DPYD: variants seen among roughly 807,000 people sequenced by gnomAD.
The protein encoded by DPYD is dihydropyrimidine dehydrogenase, also known as dihydropyrimidine dehydrogenase [NADP(+)].
DPYD carries 109 observed loss-of-function variants against 116.2 expected under a neutral mutation model. The ratio of observed to expected loss-of-function variants is 0.94; its 90% CI spans 0.80 to 1.10. The LOEUF (loss-of-function observed/expected upper bound fraction) is 1.10, where lower values mean the gene tolerates loss of function less well. Ranked by LOEUF, DPYD falls within the 50% of genes least tolerant of loss-of-function variation. The pLI is 0.00. For missense variants in DPYD, 1,302 were observed against 1,254.5 expected (o/e 1.04, Z -0.57); for synonymous variants, 440 against 432.0 (o/e 1.02, Z -0.23).
intron 20 of DPYD, among the ~76,000 whole-genome samples, chr1:97,172,039 G>A (rs1268088538): frequency 2.0e-5 from 3 of 152,170 alleles, no homozygotes; most frequent in African/African-American, 2.4e-5. Context: ...GGACGCAAAT[G>A]AGCAAAAAGA....
At chr1:97,653,303 C>CA (rs946746249) in intron 8 of DPYD, among the ~76,000 whole-genome samples, 1 of 140,176 alleles carries the variant, frequency 7.1e-6, no homozygotes, top group Non-Finnish European at 1.6e-5. Flanking sequence ...TTTCTTTCTC[C>CA]TTTTTTTTTT....
intron 19 of DPYD, among the ~76,000 whole-genome samples, chr1:97,233,385 T>C (rs1661704400): frequency 6.6e-6 from 1 of 152,200 alleles, no homozygotes; most frequent in African/African-American, 2.4e-5. Flanking sequence ...GGACACCTCA[T>C]TACTCTCAGG....
At chr1:97,438,467 G>T (rs1182956088) in intron 14 of DPYD, among the ~76,000 whole-genome samples, 1 of 151,840 alleles carries the variant, frequency 6.6e-6, no homozygotes, top group Non-Finnish European at 1.5e-5. Flanking sequence ...TTCATGATTT[G>T]CTGCTACTGT....
intron 16 of DPYD, among the ~76,000 whole-genome samples, chr1:97,333,990 G>C (rs1046682767): frequency 2.6e-5 from 4 of 152,082 alleles, no homozygotes; most frequent in Non-Finnish European, 5.9e-5. Context: ...CAGAATTTAC[G>C]TTAATAGCAT....
intron 20 of DPYD, among the ~76,000 whole-genome samples, chr1:97,140,332 T>C (rs1170188744): frequency 6.6e-6 from 1 of 151,998 alleles, no homozygotes; most frequent in Non-Finnish European, 1.5e-5. Context: ...GCAATATAAC[T>C]ACATTGAAAG....
At chr1:97,297,095 T>A (rs556726132) in intron 18 of DPYD, among the ~76,000 whole-genome samples, 1 of 152,290 alleles carries the variant, frequency 6.6e-6, no homozygotes, top group African/African-American at 2.4e-5. Context: ...TTTGTAAGCA[T>A]AACAATTTGA....
chr1:97,459,869 TA>T (rs758503911), intron 13 of DPYD, among the ~76,000 whole-genome samples: 43 of 151,762 alleles, frequency 2.8e-4, no homozygotes, highest in Non-Finnish European at 5.7e-4. Flanking sequence ...GGCAAAAAAA[TA>T]AACAAAACTA....
At chr1:97,236,846 G>A (rs1661967509) in intron 18 of DPYD, among the ~76,000 whole-genome samples, 2 of 152,128 alleles carry the variant, frequency 1.3e-5, no homozygotes, top group Admixed American at 1.3e-4. Context: ...TGCATGTGTT[G>A]GAGCAGTGGA....
In DPYD at chr1:97,479,416, G is replaced by A. The variant is rs544578651; in HGVS notation, c.1741-29193C>T. ...GAGGGAGACAGACAGAGGAACAGCC[G>A]GTTGGTAGAGCAACCAGAAGACACA... On this transcript the variant is annotated intron_variant, in intron 13 of 22. Transcript: ENST00000370192. Among the ~76,000 whole-genome samples the A allele has an allele frequency of 7.9e-5, 12 of 152,248 alleles. No individual in the cohort carries two copies. In the South Asian group the frequency reaches 1.2e-3, roughly 16 times the overall value.
chr1:97,731,014 A>G (rs1052741161), intron 4 of DPYD, among the ~76,000 whole-genome samples: 14 of 152,008 alleles, frequency 9.2e-5, no homozygotes, highest in Non-Finnish European at 1.6e-4. Context: ...AAAGAATCTC[A>G]TATTAATGTG....
chr1:97,804,321 T>C (rs918505496), intron 3 of DPYD, among the ~76,000 whole-genome samples: 2 of 151,772 alleles, frequency 1.3e-5, no homozygotes, highest in Non-Finnish European at 3.0e-5. Context: ...AAGACACATA[T>C]AGAATTTTCT....
At chr1:97,875,199 G>A (rs1404377507) in intron 2 of DPYD, among the ~76,000 whole-genome samples, 2 of 151,892 alleles carry the variant, frequency 1.3e-5, no homozygotes, top group South Asian at 2.1e-4. Context: ...AGATGACAAA[G>A]TGATTATTTT....
chr1:97,751,452 G>GTATATATATATA (rs1557933124), intron 3 of DPYD, among the ~76,000 whole-genome samples: 398 of 33,076 alleles, frequency 0.012, 4 homozygotes, highest in South Asian at 0.026. Context: ...GTGTGTGTGT[G>GTATATATATATA]TGTGTGTGTA....
chr1:97,131,497 A>G (rs1163149247), intron 20 of DPYD, among the ~76,000 whole-genome samples: 1 of 136,032 alleles, frequency 7.4e-6, no homozygotes, highest in African/African-American at 2.7e-5. Flanking sequence ...TGGGATGTGC[A>G]CAAGAAGAAG....
intron 10 of DPYD, among the ~76,000 whole-genome samples, chr1:97,591,694 G>T (rs1654532682): frequency 1.3e-5 from 2 of 152,020 alleles, no homozygotes; most frequent in African/African-American, 2.4e-5. Context: ...AGTCACCTTT[G>T]GTAATGAAAC....
chr1:97,867,637 T>C (rs1387117491), intron 2 of DPYD, among the ~76,000 whole-genome samples: 4 of 151,832 alleles, frequency 2.6e-5, no homozygotes, highest in South Asian at 2.1e-4. Flanking sequence ...ATCATCTCAA[T>C]TGATGCAGGA....
chr1:97,165,032 C>T (rs1656218497), intron 20 of DPYD, among the ~76,000 whole-genome samples: 1 of 151,882 alleles, frequency 6.6e-6, no homozygotes, highest in Non-Finnish European at 1.5e-5. Context: ...CAATGCTATT[C>T]CTATTAAATT....
Position 97,473,394 on chromosome 1 carries a change from G to C in DPYD, c.1741-23171C>G, listed in dbSNP as rs539473490. ...TTATTCATTCATCAATGGACACTTA[G>C]GTTGTTTTTCTATATTGGCTATTGT... On this transcript the variant is annotated intron_variant, in intron 13 of 22. Coordinates refer to ENST00000370192, the MANE Select transcript of DPYD (RefSeq NM_000110.4). Among the ~76,000 whole-genome samples, 152 of 152,246 alleles carry C rather than the reference G, an allele frequency of 1.0e-3. 1 individual carries two copies. The highest frequency in any genetic ancestry group is 4.0e-4 in the Non-Finnish European group (27 of 68,016).
chr1:97,109,356 G>A (rs1420720111), intron 20 of DPYD, among the ~76,000 whole-genome samples: 1 of 152,080 alleles, frequency 6.6e-6, no homozygotes, highest in Non-Finnish European at 1.5e-5. Context: ...AGTGCCTTAG[G>A]AGTACTTGGA....
Sources: gnomAD v4.1 joint callset for allele counts (sites outside exome capture counted in the v4.1 genomes callset) on GRCh38, gnomAD v4.1.1 for gene constraint, MANE v1.5 for transcripts, NCBI Gene and HGNC (gene_info 2026-07-23, HGNC 2026-07-21) for gene names.